CLCNKA: variants seen among roughly 807,000 people sequenced by gnomAD.
CLCNKA encodes chloride channel protein ClC-Ka.
A neutral mutation model predicts 83.3 loss-of-function variants in CLCNKA; 66 were observed. The ratio of observed to expected loss-of-function variants is 0.79; its 90% confidence interval spans 0.65 to 0.97. CLCNKA has a LOEUF of 0.97. Among genes scored for constraint, CLCNKA ranks in the 50% least tolerant of loss-of-function variants. The pLI, the probability that CLCNKA is intolerant of heterozygous loss-of-function variation, is 0.00. For missense variants in CLCNKA, 806 were observed against 888.7 expected, an observed-to-expected ratio of 0.91 and a Z score of 1.18; for synonymous variants, 357 against 370.4, an observed-to-expected ratio of 0.96 and a Z score of 0.42.
chr1:16,022,538 C>A, intron 1 of CLCNKA, 75 bp from the exon 2 acceptor site: 2 of 1,042,758 alleles, frequency 1.9e-6, no homozygotes, highest in South Asian at 1.6e-5. Context: ...GTGGGGAGAG[C>A]ACTGGAAGGG....
rs1180331258 is a variant in CLCNKA at position 16,026,474 on chromosome 1, G to T, written c.499-62G>T. ...GAGGAGGGGGTGTGGTGGGGAAGCC[G>T]TGCTGCCTCGGGGTGAGACTGTCTC... is the stretch of plus-strand genomic sequence containing the variant. On this transcript the variant is annotated intron_variant, in intron 5 of 19. Transcript: ENST00000331433. 3.1e-6 allele frequency: 5 copies of T among 1,604,472 alleles called. No individual in the cohort carries two copies. The South Asian group carries it at 3.3e-5, about 11-fold the overall frequency.
intron 15 of CLCNKA, 133 bp downstream of exon 15, chr1:16,030,807 C>T: frequency 7.9e-7 from 1 of 1,272,684 alleles, no homozygotes. Flanking sequence ...GGCTGACACA[C>T]AGCTGTGCTC....
intron 7 of CLCNKA, 23 bp from the exon 8 acceptor site, chr1:16,027,287 C>T (rs370026534): frequency 1.2e-6 from 2 of 1,612,200 alleles, no homozygotes; most frequent in Non-Finnish European, 1.7e-6. Context: ...TGGGGGCCCA[C>T]CTGACATCAG....
In CLCNKA at chr1:16,027,322, G is replaced by T. The variant is rs777380548; in HGVS notation, c.668G>T (p.Ser223Ile). 7 of 1,613,338 alleles carry T rather than the reference G, an allele frequency of 4.3e-6. No homozygotes were observed. Among genetic ancestry groups the T allele is most frequent in the South Asian group, 2.2e-5 (2 of 91,064 alleles). ...GTGTCGCCCCCAGGCGTCCTGTTCAGCATCGAGGTCATGTCTTCCCACTTC... is the reference window on the plus strand; with the variant it reads ...GTGTCGCCCCCAGGCGTCCTGTTCATCATCGAGGTCATGTCTTCCCACTTC... ...FAAPFSGVLFSIEVMSSHFSV... is the reference protein window; with the variant it reads ...FAAPFSGVLFIIEVMSSHFSV... Residue 223 changes from serine to isoleucine, a missense_variant, in exon 8 of 20, where the codon AGC becomes ATC. By Grantham distance (142) the Ser-to-Ile change is moderately radical. Coordinates refer to ENST00000331433, the MANE Select transcript of CLCNKA (RefSeq NM_004070.4).
In CLCNKA at chr1:16,029,973, A is replaced by C. The variant is rs2022550529; in HGVS notation, c.1306A>C (p.Ile436Leu). 6.2e-7 allele frequency: 1 copy of C among 1,611,412 alleles called. No homozygotes were observed. The highest frequency in any genetic ancestry group is 1.3e-5 in the African/African-American group (1 of 75,002). Residue 436 changes from isoleucine to leucine, a missense_variant, in exon 14 of 20, where the codon ATC becomes CTC. Physicochemically the swap from Ile to Leu is conservative, Grantham distance 5. Transcript: ENST00000331433. ...CCTAAGTCTGTGGCCAGGAGCTGCC[A>C]TCGGGCGCCTCTTGGGAGAGGCTCT... The part of the protein sequence containing the change: ...FMPIFILGAA[I>L]GRLLGEALAV...
At chr1:16,029,341 G>A in intron 12 of CLCNKA, 42 bp downstream of exon 12, 3 of 1,613,336 alleles carry the variant, frequency 1.9e-6, no homozygotes. Context: ...GCCAGGACCA[G>A]CTCTGGTGGG....
chr1:16,030,354 A>G, intron 14 of CLCNKA, 107 bp from the exon 15 acceptor site: 1 of 1,405,690 alleles, frequency 7.1e-7, no homozygotes, highest in Non-Finnish European at 9.9e-7. Flanking sequence ...GTGGCCTCTT[A>G]CAATTCCCAC....
At chr1:16,029,933 C>A in intron 13 of CLCNKA, 32 bp from the exon 14 acceptor site, 2 of 1,601,900 alleles carry the variant, frequency 1.2e-6, no homozygotes, top group Non-Finnish European at 8.6e-7. Context: ...CCGGGTCAGC[C>A]TGGCTCCCCC....
rs558830177 is a variant in CLCNKA, at chr1:16,028,621, C to A, written c.969-140C>A. The stretch of plus-strand genomic sequence containing the variant: ...GAGGGGGCCATGTTCCCTGCTCCCG[C>A]CCTTCCTCCTCACCAGTCCTTGCCT... On this transcript the variant is annotated intron_variant, in intron 10 of 19. Coordinates refer to ENST00000331433, the MANE Select transcript of CLCNKA (RefSeq NM_004070.4). 161 of 1,069,530 alleles carry A rather than the reference C, an allele frequency of 1.5e-4. 1 individual carries two copies. Among genetic ancestry groups the A allele is most frequent in the Non-Finnish European group, 3.4e-5 (24 of 698,868 alleles). The allele number at this position is 1,069,530 out of a possible 1,614,324, so 66.3% of individuals were successfully genotyped here.
rs9442191 is a variant in CLCNKA at position 16,030,375 on chromosome 1, G to A, written c.1409-86G>A. Reference sequence around the variant, plus strand: ...TCTTACAATTCCCACCCTAGCCCCCGGCAGCAGCCAGGCTAGTTATTCCCT... The same window carrying A: ...TCTTACAATTCCCACCCTAGCCCCCAGCAGCAGCCAGGCTAGTTATTCCCT... On this transcript the variant is annotated intron_variant, in intron 14 of 19. Transcript: ENST00000331433. 0.069 allele frequency: 105,721 copies of A among 1,529,712 alleles called. 4,237 individuals carry two copies. Among genetic ancestry groups the A allele is most frequent in the South Asian group, 0.14 (12,054 of 87,782 alleles). The allele number at this position is 1,529,712 out of a possible 1,614,324, so 94.8% of individuals were successfully genotyped here.
In CLCNKA at chr1:16,030,564, G is replaced by T. The variant is rs765683256; in HGVS notation, c.1512G>T (p.Ala504=). ...QIVHALPVLM[A]VLAANAIAQS... is the part of the protein sequence containing the mutation. ...TGCATGCACTGCCCGTGCTGATGGC[G>T]GTGCTGGCAGCCAACGCCATTGCAC... The change falls in exon 15 of 20, where the codon GCG becomes GCT. Residue 504 remains alanine (A), a synonymous_variant. Coordinates refer to ENST00000331433, the MANE Select transcript of CLCNKA (RefSeq NM_004070.4). 1.2e-6 allele frequency: 2 copies of T among 1,612,950 alleles called. No homozygotes were observed. Among genetic ancestry groups the T allele is most frequent in the Non-Finnish European group, 1.7e-6 (2 of 1,180,038 alleles).
chr1:16,023,673 C>G, intron 2 of CLCNKA, 127 bp from the exon 3 acceptor site: 1 of 1,089,176 alleles, frequency 9.2e-7, no homozygotes, highest in South Asian at 1.3e-5. Context: ...CAGGCGGGGC[C>G]CCCTCAGGAC....
chr1:16,032,573 C>A (rs1328118841), intron 18 of CLCNKA, 47 bp downstream of exon 18: 1 of 1,439,674 alleles, frequency 6.9e-7, no homozygotes, highest in Non-Finnish European at 9.8e-7. Flanking sequence ...CGGGGCAGGG[C>A]AAGAGCTGAT....
Position 16,032,290 on chromosome 1 carries a change from AGGT to A in CLCNKA, c.1845+3_1845+5del. On this transcript the variant is annotated splice_donor_variant and coding_sequence_variant, in exon 17 of 20. Transcript: ENST00000331433. LOFTEE classifies it high-confidence loss of function. Reference sequence around the variant, plus strand: ...CCTCCTTCCAGGGCTCCAGGACACCAGGTGGTTACTCCTGAGGGGCGTGGGGAT... The same window carrying A: ...CCTCCTTCCAGGGCTCCAGGACACCAGGTTACTCCTGAGGGGCGTGGGGAT... 1.1e-6 allele frequency: 1 copy of A among 940,354 alleles called. No homozygotes were observed. The highest frequency in any genetic ancestry group is 1.3e-5 in the South Asian group (1 of 79,436). The allele number at this position is 940,354 out of a possible 1,614,324, so 58.3% of individuals were successfully genotyped here. A position where few individuals can be genotyped will look rare whatever the true frequency, so the allele number is the denominator to read the frequency against.
At chr1:16,030,800 T>C in intron 15 of CLCNKA, 126 bp downstream of exon 15, 1 of 1,323,030 alleles carries the variant, frequency 7.6e-7, no homozygotes, top group Non-Finnish European at 1.1e-6. Flanking sequence ...TGGGAGGGGC[T>C]GACACACAGC....
At chr1:16,031,613 G>T in intron 15 of CLCNKA, 97 bp from the exon 16 acceptor site, 1 of 1,558,356 alleles carries the variant, frequency 6.4e-7, no homozygotes, top group South Asian at 1.1e-5. Context: ...CAGAGCCGTG[G>T]GTCCCTGGTT....
chr1:16,030,597 C>T lies in CLCNKA; in HGVS notation c.1545C>T (p.Cys515=), dbSNP rs1344609527. Residue 515 remains cysteine, a synonymous_variant, in exon 15 of 20, where the codon TGC becomes TGT. Coordinates refer to ENST00000331433, the MANE Select transcript of CLCNKA (RefSeq NM_004070.4). ...VLAANAIAQS[C]QPSFYDGTII... is the part of the protein sequence containing the mutation. ...CAGCCAACGCCATTGCACAGAGCTG[C>T]CAGCCCTCCTTCTATGATGGCACCA... 1 of 1,612,966 alleles carries T rather than the reference C, an allele frequency of 6.2e-7. No homozygotes were observed. Among genetic ancestry groups the T allele is most frequent in the Non-Finnish European group, 8.5e-7 (1 of 1,180,046 alleles).
chr1:16,030,374 C>G (rs12729970), intron 14 of CLCNKA, 87 bp from the exon 15 acceptor site: 35 of 1,523,086 alleles, frequency 2.3e-5, no homozygotes, highest in Non-Finnish European at 3.2e-5. Flanking sequence ...CCCTAGCCCC[C>G]GGCAGCAGCC....
rs149199095 is a variant in CLCNKA, at chr1:16,024,690, G to A, written c.230-73G>A. On this transcript the variant is annotated intron_variant, in intron 3 of 19. Coordinates refer to ENST00000331433, the MANE Select transcript of CLCNKA (RefSeq NM_004070.4). ...CGTGACTCCATTTCCTGGTCAGTAA[G>A]TGGGCACCACAGTGTCTGGCCCTGA... 1.5e-3 allele frequency: 2,459 copies of A among 1,597,992 alleles called. 7 individuals are homozygous for A. Among genetic ancestry groups the A allele is most frequent in the Non-Finnish European group, 1.8e-3 (2,132 of 1,171,414 alleles).
Sources: allele counts gnomAD v4.1 joint callset, GRCh38; gene constraint gnomAD v4.1.1; transcripts MANE v1.5; gene names NCBI Gene and HGNC (gene_info 2026-07-23, HGNC 2026-07-21).